Variants in SETD7 observed in about 807,000 individuals in gnomAD.
SETD7 encodes the protein histone-lysine N-methyltransferase SETD7.
A neutral mutation model predicts 41.8 loss-of-function variants in SETD7; 16 were observed. The observed-to-expected ratio is 0.38, with a 90% CI of 0.26 to 0.58. The LOEUF (loss-of-function observed/expected upper bound fraction) is 0.58. Ranked by LOEUF, SETD7 falls within the 20% of genes least tolerant of loss-of-function variation. SETD7 has a pLI of 0.64. For missense variants in SETD7, 346 were observed against 459.7 expected (o/e 0.75, Z 2.26); for synonymous variants, 163 against 169.7 (o/e 0.96, Z 0.31).
chr4:139,496,432 A>G (rs1254385325), exon 8 of SETD7: 7 of 702,434 alleles, frequency 1.0e-5, no homozygotes, highest in Non-Finnish European at 1.8e-5. Context: ...TCTGTGTTCT[A>G]CCCAGGGCGC....
chr4:139,496,955 G>A (rs1461768192), intron 7 of SETD7, among the ~76,000 whole-genome samples: 1 of 152,134 alleles, frequency 6.6e-6, no homozygotes, highest in Non-Finnish European at 1.5e-5. Context: ...GCCAAGCACA[G>A]TGGCTTATGC....
chr4:139,525,239 G>A (rs17050796), intron 4 of SETD7, among the ~76,000 whole-genome samples: 7,993 of 152,272 alleles, frequency 0.052, 698 homozygotes, highest in African/African-American at 0.18. Context: ...CTGAGTGCCA[G>A]CTACATGTAC....
downstream of SETD7, among the ~76,000 whole-genome samples, chr4:139,494,856 G>A (rs1726425004): frequency 6.6e-6 from 1 of 152,104 alleles, no homozygotes; most frequent in South Asian, 2.1e-4. Flanking sequence ...TTGGTTAAGC[G>A]GATTTACTAC....
At chr4:139,536,829 C>G (rs1163961594) in intron 2 of SETD7, among the ~76,000 whole-genome samples, 1 of 152,086 alleles carries the variant, frequency 6.6e-6, no homozygotes. Flanking sequence ...ATGGTGAAAC[C>G]CTGTCTCCAC....
intron 2 of SETD7, among the ~76,000 whole-genome samples, chr4:139,540,308 G>A (rs1727746184): frequency 6.6e-6 from 1 of 152,110 alleles, no homozygotes; most frequent in Non-Finnish European, 1.5e-5. Flanking sequence ...AGTTGTTAAG[G>A]CCCCTACAAG....
At chr4:139,534,141 AT>A (rs1026428310) in intron 2 of SETD7, among the ~76,000 whole-genome samples, 6 of 151,998 alleles carry the variant, frequency 3.9e-5, no homozygotes, top group African/African-American at 1.5e-4. Flanking sequence ...TGCTCACGTG[AT>A]TTTACCAGCA....
chr4:139,523,359 T>C lies in SETD7; in HGVS notation c.639A>G (p.Ser213=), dbSNP rs1244535767. 6.2e-7 allele frequency: 1 copy of C among 1,609,698 alleles called. No homozygotes were observed. The highest frequency in any genetic ancestry group is 1.7e-5 in the Admixed American group (1 of 59,992). ...TNALLPDPYE[S]ERVYVAESLI... is the part of the protein sequence containing the mutation. ...AACCCCAAGGAGGAAATTACCTTTC[T>C]GATTCATAAGGATCTGGAAGAAGAG... is the stretch of plus-strand genomic sequence containing the variant. Residue 213 remains serine (S), a synonymous_variant, in exon 5 of 8, where the codon TCA becomes TCG. Coordinates refer to ENST00000274031, the MANE Select transcript of SETD7 (RefSeq NM_030648.4).
At chr4:139,526,825 G>A (rs1488320677) in intron 4 of SETD7, among the ~76,000 whole-genome samples, 1 of 152,274 alleles carries the variant, frequency 6.6e-6, no homozygotes, top group South Asian at 2.1e-4. Flanking sequence ...CACCAATTGG[G>A]ATCCTCCCTT....
At chr4:139,533,414 C>G (rs1560686400) in intron 2 of SETD7, 48 bp from the exon 3 acceptor site, 6 of 1,510,616 alleles carry the variant, frequency 4.0e-6, no homozygotes, top group Non-Finnish European at 4.5e-6. Context: ...CATGACTTGA[C>G]TCTCTTAGAA....
At chr4:139,545,553 G>T (rs1727916984) in intron 2 of SETD7, among the ~76,000 whole-genome samples, 1 of 152,198 alleles carries the variant, frequency 6.6e-6, no homozygotes, top group African/African-American at 2.4e-5. Context: ...AAAAGGTGGG[G>T]TTGGGGGCAA....
At chr4:139,497,496 C>T (rs1444432468) in intron 7 of SETD7, among the ~76,000 whole-genome samples, 1 of 151,700 alleles carries the variant, frequency 6.6e-6, no homozygotes, top group Admixed American at 6.6e-5. Context: ...ATTTAAAAAG[C>T]CCTGGAAGTG....
At chr4:139,534,536 G>A (rs1210166898) in intron 2 of SETD7, among the ~76,000 whole-genome samples, 1 of 152,048 alleles carries the variant, frequency 6.6e-6, no homozygotes, top group East Asian at 1.9e-4. Flanking sequence ...CCACAGGTAT[G>A]TGTCACCACA....
chr4:139,546,710 A>G (rs1300776799), intron 2 of SETD7: 28 of 627,550 alleles, frequency 4.5e-5, no homozygotes, highest in Non-Finnish European at 7.2e-5. Flanking sequence ...TCTGGGAGAC[A>G]GTGATGACAA....
Position 139,547,065 on chromosome 4 carries a change from C to T in SETD7, c.41-16G>A. ...TCCAGGTGCCCTGGAGAAAGGGAAC[C>T]ACAAGGCAAACCTTAACATCTTCAG... On this transcript the variant is annotated splice_polypyrimidine_tract_variant and intron_variant, in intron 1 of 7. Transcript: ENST00000274031. 1 of 1,613,624 alleles carries T rather than the reference C, an allele frequency of 6.2e-7. No individual in the cohort carries two copies. The highest frequency in any genetic ancestry group is 8.5e-7 in the Non-Finnish European group (1 of 1,179,832).
At chr4:139,528,618 C>T (rs933566751) in intron 4 of SETD7, among the ~76,000 whole-genome samples, 28 of 152,238 alleles carry the variant, frequency 1.8e-4, no homozygotes, top group African/African-American at 6.5e-4. Flanking sequence ...GAGTAAAGTG[C>T]CACCATGTCA....
At chr4:139,541,416 C>T (rs944352979) in intron 2 of SETD7, among the ~76,000 whole-genome samples, 8 of 152,176 alleles carry the variant, frequency 5.3e-5, no homozygotes, top group African/African-American at 9.7e-5. Flanking sequence ...GAACACTACA[C>T]GTTTTCATCA....
chr4:139,501,087 C>T (rs952830637), downstream of SETD7, among the ~76,000 whole-genome samples: 2 of 152,188 alleles, frequency 1.3e-5, no homozygotes, highest in African/African-American at 4.8e-5. Context: ...TGCACACCTC[C>T]TCACCCTCTT....
At chr4:139,493,519 G>T (rs1726396060), downstream of SETD7, among the ~76,000 whole-genome samples, 1 of 151,872 alleles carries the variant, frequency 6.6e-6, no homozygotes, top group Admixed American at 6.6e-5. Context: ...TCAGCAGGGT[G>T]ATGGCAAGAT....
chr4:139,537,761 C>T (rs1727678413), intron 2 of SETD7, among the ~76,000 whole-genome samples: 1 of 152,160 alleles, frequency 6.6e-6, no homozygotes, highest in African/African-American at 2.4e-5. Flanking sequence ...TGAGAAGGAA[C>T]ATAACAGTGT....
Sources: allele counts gnomAD v4.1 joint callset (sites outside exome capture counted in the v4.1 genomes callset), GRCh38; gene constraint gnomAD v4.1.1; transcripts MANE v1.5; gene names NCBI Gene and HGNC (gene_info 2026-07-23, HGNC 2026-07-21).